Variants in FRMD8 observed in about 807,000 individuals in gnomAD.
The protein encoded by FRMD8 is FERM domain containing 8.
In FRMD8, 37 loss-of-function variants were observed where a neutral mutation model predicts 54.2. That is an observed-to-expected ratio of 0.68 (90% CI 0.53 to 0.90). The LOEUF (loss-of-function observed/expected upper bound fraction) is 0.90, where lower values mean the gene tolerates loss of function less well. Among genes scored for constraint, FRMD8 ranks in the 40% least tolerant of loss-of-function variants. FRMD8 has a pLI of 0.00. For synonymous variants in FRMD8, 246 were observed against 286.9 expected, an observed-to-expected ratio of 0.86 and a Z score of 1.44; for missense variants, 585 against 653.7, an observed-to-expected ratio of 0.89 and a Z score of 1.15.
chr11:65,383,649 T>G (rs1855672649), upstream of FRMD8: 1 of 151,516 alleles, frequency 6.6e-6, no homozygotes, highest in African/African-American at 2.4e-5. Flanking sequence ...TCCCAGCTAC[T>G]TGGGATGCTG....
Position 65,390,772 on chromosome 11 carries a change from G to A in FRMD8, c.253+1244G>A, listed in dbSNP as rs114539196. Among the ~76,000 whole-genome samples, 1,382 of 152,276 alleles carry A rather than the reference G, an allele frequency of 9.1e-3. 18 individuals are homozygous for A. Among genetic ancestry groups the A allele is most frequent in the African/African-American group, 0.031 (1,305 of 41,548 alleles). ...CATGGGTTGGCCCCTGCCTTACCTC[G>A]GGAAGCTCCCAGAGCCTGCTGGGCA... On this transcript the variant is annotated intron_variant, in intron 3 of 10. Transcript: ENST00000317568.
chr11:65,396,772 C>T (rs555656594), intron 6 of FRMD8, 27 bp from the exon 7 acceptor site: 2 of 1,447,582 alleles, frequency 1.4e-6, no homozygotes, highest in Admixed American at 2.6e-5. Context: ...GGTTGGGCCG[C>T]TAGCACCTGT....
At chr11:65,386,847 G>C (rs1590644677) in intron 1 of FRMD8, 86 bp downstream of exon 1, 1 of 572,952 alleles carries the variant, frequency 1.7e-6, no homozygotes, top group Non-Finnish European at 3.0e-6. Flanking sequence ...GTCGACCCCC[G>C]GTTCTTGACC....
In FRMD8 at chr11:65,390,179, A is replaced by G. The variant is rs139724889; in HGVS notation, c.253+651A>G. Among the ~76,000 whole-genome samples the G allele has an allele frequency of 4.7e-3, 722 of 152,070 alleles. 26 individuals are homozygous for G. The East Asian group carries it at 0.064, about 13-fold the overall frequency. ...TGCCTGGCTGGCCTCGTGACCACCC[A>G]CATCCTGCCCTTTCAAGCTGAAATT... On this transcript the variant is annotated intron_variant, in intron 3 of 10. Transcript: ENST00000317568.
At chr11:65,379,018 G>A in the FRMD8 span, 1 of 291,198 alleles carries the variant, frequency 3.4e-6, no homozygotes, top group Non-Finnish European at 6.6e-6. Context: ...AGCTCTGCGG[G>A]GTGCTGGTGG....
At chr11:65,379,010 C>T in the FRMD8 span, 2 of 281,182 alleles carry the variant, frequency 7.1e-6, no homozygotes, top group Non-Finnish European at 1.4e-5. Flanking sequence ...GGGCTCACAG[C>T]TCTGCGGGGT....
chr11:65,376,564 C>T, the FRMD8 span: 1 of 1,614,164 alleles, frequency 6.2e-7, no homozygotes, highest in Non-Finnish European at 8.5e-7. Context: ...CTGGTACACT[C>T]TGCGTCTCAG....
Position 65,394,261 on chromosome 11 carries a change from C to A in FRMD8, c.417C>A (p.Ile139=). Residue 139 remains isoleucine (I), a splice_region_variant and synonymous_variant, in exon 6 of 11, where the codon ATC becomes ATA. Coordinates refer to ENST00000317568, the MANE Select transcript of FRMD8 (RefSeq NM_031904.5). ...VFFPKRRELQ[I]HDEEVLRLLY... is the part of the protein sequence containing the mutation. ...GTCCCTGCCACACCCCCCTGCAGAT[C>A]CATGACGAGGAGGTCCTGCGGCTGC... The A allele has an allele frequency of 1.2e-6, 2 of 1,600,654 alleles. No homozygotes were observed. Among genetic ancestry groups the A allele is most frequent in the Non-Finnish European group, 1.7e-6 (2 of 1,173,920 alleles).
intron 10 of FRMD8, among the ~76,000 whole-genome samples, chr11:65,405,656 T>G (rs1246648252): frequency 6.6e-6 from 1 of 151,768 alleles, no homozygotes; most frequent in South Asian, 2.1e-4. Context: ...AAGCGTTGGG[T>G]AAATCACTGC....
At chr11:65,377,973 G>C in the FRMD8 span, 1 of 152,352 alleles carries the variant, frequency 6.6e-6, no homozygotes, top group African/African-American at 2.4e-5. Flanking sequence ...GCTGGCGGTC[G>C]CCTCTGGTGG....
At chr11:65,384,267 G>C (rs1173469462), upstream of FRMD8, among the ~76,000 whole-genome samples, 1 of 151,942 alleles carries the variant, frequency 6.6e-6, no homozygotes, top group East Asian at 1.9e-4. Flanking sequence ...CTCCCCCATG[G>C]TGCCACCCAC....
chr11:65,382,643 A>T (rs1855635533), upstream of FRMD8: 1 of 152,850 alleles, frequency 6.5e-6, no homozygotes, highest in East Asian at 1.9e-4. This position sits in a 1 kb window ranked among gnomAD's most constrained non-coding sequence, Gnocchi z 4.4. Flanking sequence ...CATTCTGCTC[A>T]GTCAAAACCA....
At position 65,411,572 on chromosome 11, in the gene FRMD8, G is replaced by A. The variant is rs562349477; in HGVS notation, c.*212G>A. The stretch of plus-strand genomic sequence containing the variant: ...CCAGGGCCTCCTGTAGGGCTCCTCT[G>A]CAGCCTGCCCTCCCTTCCCCCGGAT... On this transcript the variant is annotated 3_prime_UTR_variant, in exon 11 of 11. Transcript: ENST00000317568. 4 of 459,844 alleles carry A rather than the reference G, an allele frequency of 8.7e-6. No individual in the cohort carries two copies. The East Asian group carries it at 1.4e-4, about 16-fold the overall frequency. The allele number at this position is 459,844 out of a possible 1,614,324, so 28.5% of individuals were successfully genotyped here.
Position 65,400,661 on chromosome 11 carries a change from A to G in FRMD8, c.928-63A>G. On this transcript the variant is annotated intron_variant, in intron 8 of 10. Coordinates refer to ENST00000317568, the MANE Select transcript of FRMD8 (RefSeq NM_031904.5). The surrounding 1 kb of genome is among the most constrained non-coding windows in gnomAD (Gnocchi z 4.3). ...CACCCTGGCCAGGTGTCTGAGTGGGATGGGGTGGGGAGCAGACCTCTGCCC... is the reference window on the plus strand; with the variant it reads ...CACCCTGGCCAGGTGTCTGAGTGGGGTGGGGTGGGGAGCAGACCTCTGCCC... 6.8e-7 allele frequency: 1 copy of G among 1,460,196 alleles called. No individual in the cohort carries two copies. The highest frequency in any genetic ancestry group is 9.1e-7 in the Non-Finnish European group (1 of 1,099,806). The allele number at this position is 1,460,196 out of a possible 1,614,324, so 90.5% of individuals were successfully genotyped here.
rs1565594509 is a variant in FRMD8 at position 65,387,134 on chromosome 11, C to T, written c.85+13C>T. Reference sequence around the variant, plus strand: ...GTGGGAGCCCGAGGTGGGTCCCACCCGCATCTCCTCTTCCACACCCTCCTG... The same window carrying T: ...GTGGGAGCCCGAGGTGGGTCCCACCTGCATCTCCTCTTCCACACCCTCCTG... On this transcript the variant is annotated intron_variant, in intron 2 of 10. Transcript: ENST00000317568. 1 of 1,599,908 alleles carries T rather than the reference C, an allele frequency of 6.3e-7. No individual in the cohort carries two copies. Among genetic ancestry groups the T allele is most frequent in the Non-Finnish European group, 8.5e-7 (1 of 1,176,564 alleles).
rs1280961572 is a variant in FRMD8, at chr11:65,394,346, T to C, written c.502T>C (p.Cys168Arg). 2.5e-6 allele frequency: 4 copies of C among 1,581,596 alleles called. No homozygotes were observed. The highest frequency in any genetic ancestry group is 4.7e-5 in the East Asian group (2 of 42,802). Residue 168 changes from cysteine to arginine, a missense_variant, in exon 6 of 11, where the codon TGC becomes CGC. Coordinates refer to ENST00000317568, the MANE Select transcript of FRMD8 (RefSeq NM_031904.5). ...AARYPCDVED[C>R]EALGALVCRV... ...ACGGTACCCGTGCGACGTGGAGGAC[T>C]GCGAGGCTCTGGGCGCCCTGGTGTG...
chr11:65,384,764 G>T (rs1308212003), upstream of FRMD8, among the ~76,000 whole-genome samples: 1 of 152,170 alleles, frequency 6.6e-6, no homozygotes. Flanking sequence ...GAATACAGTG[G>T]CAGGATGGCG....
rs1158525283 is a variant in FRMD8 at position 65,412,987 on chromosome 11, TTTA to T, written c.*1630_*1632del. The T allele has an allele frequency of 2.0e-5, 3 of 152,158 alleles. No homozygotes were observed. The highest frequency in any genetic ancestry group is 4.8e-5 in the African/African-American group (2 of 41,432). 9.4% of individuals were successfully genotyped at this position (152,158 alleles called of 1,614,324 possible). A position where few individuals can be genotyped will look rare whatever the true frequency, so the allele number is the denominator to read the frequency against. On this transcript the variant is annotated 3_prime_UTR_variant, in exon 11 of 11. Transcript: ENST00000317568. ...CCCTGCTGCTTTGATTCCAGGTGAT[TTTA>T]TTTTTTTTATTTTTTTATTTTTTTT...
At chr11:65,389,577 G>T (rs1855802315) in intron 3 of FRMD8, 49 bp downstream of exon 3, 1 of 1,522,536 alleles carries the variant, frequency 6.6e-7, no homozygotes, top group Non-Finnish European at 8.8e-7. Flanking sequence ...GAAGGGCACT[G>T]ACCAGTACAG....
Sources: gnomAD v4.1 joint callset for allele counts (sites outside exome capture counted in the v4.1 genomes callset) on GRCh38, gnomAD v4.1.1 for gene constraint, Gnocchi (gnomAD v3.1) non-coding constraint, MANE v1.5 for transcripts, NCBI Gene and HGNC (gene_info 2026-07-23, HGNC 2026-07-21) for gene names.